Variants in MIPOL1 observed in about 807,000 individuals in gnomAD.
MIPOL1 encodes mirror-image polydactyly gene 1 protein.
MIPOL1 carries 57 observed loss-of-function variants against 60.9 expected under a neutral mutation model. That is an observed-to-expected ratio of 0.94 (90% CI 0.76 to 1.17). The LOEUF is 1.17. Among genes scored for constraint, MIPOL1 ranks in the 50% most tolerant of loss-of-function variants. The pLI is 0.00. For synonymous variants in MIPOL1, 179 were observed against 168.8 expected (o/e 1.06, Z -0.47); for missense variants, 551 against 511.6 (o/e 1.08, Z -0.74).
intron 9 of MIPOL1, among the ~76,000 whole-genome samples, chr14:37,344,985 C>G (rs1234782018): frequency 6.8e-6 from 1 of 146,362 alleles, no homozygotes; most frequent in African/African-American, 2.5e-5. Context: ...AGCTGCGACT[C>G]CAGCCTGGGT....
At chr14:37,217,626 A>G (rs769514749) in intron 1 of MIPOL1, among the ~76,000 whole-genome samples, 1 of 152,224 alleles carries the variant, frequency 6.6e-6, no homozygotes, top group Non-Finnish European at 1.5e-5. Flanking sequence ...TATGAGCAGA[A>G]CGAAGGATAA....
chr14:37,350,781 T>C (rs2091296072), intron 9 of MIPOL1, among the ~76,000 whole-genome samples: 1 of 152,142 alleles, frequency 6.6e-6, no homozygotes, highest in Non-Finnish European at 1.5e-5. Context: ...TGTCCATGAG[T>C]TCAATTGTTT....
At chr14:37,526,943 G>C (rs2095451558) in intron 12 of MIPOL1, among the ~76,000 whole-genome samples, 1 of 152,228 alleles carries the variant, frequency 6.6e-6, no homozygotes, top group South Asian at 2.1e-4. Context: ...TATTGAGTAA[G>C]TTGTTAGCCT....
chr14:37,293,549 C>T (rs758187691), intron 7 of MIPOL1, among the ~76,000 whole-genome samples: 23 of 152,138 alleles, frequency 1.5e-4, no homozygotes, highest in Non-Finnish European at 2.6e-4. Flanking sequence ...CAGGGAATTC[C>T]CTTTCCTAGT....
At chr14:37,356,714 T>C (rs1246061250) in intron 9 of MIPOL1, among the ~76,000 whole-genome samples, 1 of 152,188 alleles carries the variant, frequency 6.6e-6, no homozygotes, top group East Asian at 1.9e-4. Flanking sequence ...GAAAGGGAAC[T>C]CCCTGACCCC....
rs1317398700 is a variant in MIPOL1 at position 37,500,062 on chromosome 14, A to G, written c.1186A>G (p.Thr396Ala). 6.2e-7 allele frequency: 1 copy of G among 1,613,884 alleles called. No homozygotes were observed. Among genetic ancestry groups the G allele is most frequent in the Admixed American group, 1.7e-5 (1 of 59,990 alleles). ...GGCTACTCAACTGCAACAAGCTCTGACAGAGCGAGCAAATATGGAATTACA... is the reference window on the plus strand; with the variant it reads ...GGCTACTCAACTGCAACAAGCTCTGGCAGAGCGAGCAAATATGGAATTACA... ...ELATQLQQAL[T>A]ERANMELQLQ... is the part of the protein sequence containing the mutation. Residue 396 changes from threonine (T) to alanine (A), a missense_variant, in exon 12 of 13, where the codon ACA (threonine) becomes GCA (alanine). Transcript: ENST00000684589.
At chr14:37,426,597 A>G (rs2093970168) in intron 11 of MIPOL1, among the ~76,000 whole-genome samples, 1 of 139,282 alleles carries the variant, frequency 7.2e-6, no homozygotes. Context: ...ATATATATAC[A>G]CACACACATA....
chr14:37,403,281 A>G lies in MIPOL1; in HGVS notation c.937-19574A>G, dbSNP rs375083504. On this transcript the variant is annotated intron_variant, in intron 10 of 12. Transcript: ENST00000684589. ...AAATTACAGAATCTTAAATATTACA[A>G]ATTCTCATGGGAGGTTGGTTTTATA... is the stretch of plus-strand genomic sequence containing the variant. 5.3e-5 allele frequency among the ~76,000 whole-genome samples: 8 copies of G among 152,064 alleles called. No individual in the cohort carries two copies. The South Asian group carries it at 6.2e-4, about 12-fold the overall frequency.
intron 10 of MIPOL1, among the ~76,000 whole-genome samples, chr14:37,422,257 C>CACTAG (rs1310046034): frequency 6.6e-6 from 1 of 151,800 alleles, no homozygotes; most frequent in African/African-American, 2.4e-5. Context: ...AATAAAGTAT[C>CACTAG]ACTAGCATTT....
intron 1 of MIPOL1, among the ~76,000 whole-genome samples, chr14:37,200,848 CTATGTGTGTGTGTGTGTG>C (rs1247194584): frequency 7.4e-5 from 7 of 94,888 alleles, no homozygotes; most frequent in African/African-American, 2.6e-4. Context: ...CTATATCTAT[CTATGTGTGTGTGTGTGTG>C]TGTGTGTGTG....
chr14:37,222,444 T>C, intron 1 of MIPOL1, among the ~76,000 whole-genome samples: 1 of 151,892 alleles, frequency 6.6e-6, no homozygotes, highest in Admixed American at 6.6e-5. Flanking sequence ...TTGCCCAGAT[T>C]GGTTGAAAGT....
intron 12 of MIPOL1, among the ~76,000 whole-genome samples, chr14:37,540,178 A>G (rs1433076797): frequency 6.6e-6 from 1 of 152,148 alleles, no homozygotes; most frequent in Non-Finnish European, 1.5e-5. Flanking sequence ...CTAATACACC[A>G]TTCTTACCAC....
intron 7 of MIPOL1, among the ~76,000 whole-genome samples, chr14:37,299,467 TTACTC>T (rs59801714): frequency 0.94 from 142,055 of 151,916 alleles, 66,903 homozygotes; most frequent in East Asian, 1. Context: ...AAAATAAAAA[TTACTC>T]TACAACATCC....
At chr14:37,204,746 C>T (rs1965822051) in intron 1 of MIPOL1, among the ~76,000 whole-genome samples, 2 of 152,050 alleles carry the variant, frequency 1.3e-5, no homozygotes, top group African/African-American at 4.8e-5. Flanking sequence ...AACAGACTAA[C>T]ACAGTAAATG....
intron 12 of MIPOL1, among the ~76,000 whole-genome samples, chr14:37,538,279 A>T: frequency 6.6e-6 from 1 of 152,236 alleles, no homozygotes; most frequent in East Asian, 1.9e-4. Flanking sequence ...CTTTCTGGAA[A>T]AGATCAAGAA....
chr14:37,537,955 G>C (rs951580322), intron 12 of MIPOL1, among the ~76,000 whole-genome samples: 6 of 152,076 alleles, frequency 3.9e-5, no homozygotes, highest in African/African-American at 1.4e-4. Flanking sequence ...AGGTTATTAG[G>C]CTTTTTTTGA....
At chr14:37,249,746 T>TTA (rs1227379182) in intron 3 of MIPOL1, among the ~76,000 whole-genome samples, 1 of 152,146 alleles carries the variant, frequency 6.6e-6, no homozygotes, top group Non-Finnish European at 1.5e-5. Flanking sequence ...ATAGCTGTGT[T>TTA]TATTCATTTA....
At chr14:37,367,664 G>A (rs1221555495) in intron 9 of MIPOL1, among the ~76,000 whole-genome samples, 1 of 151,898 alleles carries the variant, frequency 6.6e-6, no homozygotes, top group Non-Finnish European at 1.5e-5. Flanking sequence ...TCCATGAAAC[G>A]TTCTTTCTCC....
At chr14:37,318,093 A>C (rs1395008867) in intron 9 of MIPOL1, among the ~76,000 whole-genome samples, 1 of 152,188 alleles carries the variant, frequency 6.6e-6, no homozygotes, top group African/African-American at 2.4e-5. Context: ...GTGATAAAGC[A>C]GATTGAGATT....
Sources: allele counts gnomAD v4.1 joint callset (sites outside exome capture counted in the v4.1 genomes callset), GRCh38; gene constraint gnomAD v4.1.1; transcripts MANE v1.5; gene names NCBI Gene and HGNC (gene_info 2026-07-23, HGNC 2026-07-21).